PKD1: variants seen among roughly 807,000 people sequenced by gnomAD.
PKD1 encodes the protein polycystin-1.
In PKD1, 81 loss-of-function variants were observed where a neutral mutation model predicts 361.7. That is an observed-to-expected ratio of 0.22 (90% CI 0.19 to 0.27). PKD1 has a LOEUF of 0.27. Ranked by LOEUF, PKD1 falls within the 10% of genes least tolerant of loss-of-function variation. The pLI, the probability that PKD1 is intolerant of heterozygous loss-of-function variation, is 1.00. For synonymous variants in PKD1, 3,615 were observed against 2,818.3 expected, an observed-to-expected ratio of 1.28 and a Z score of -8.95; for missense variants, 6,399 against 6,118.3, an observed-to-expected ratio of 1.05 and a Z score of -1.53.
At position 2,097,744 on chromosome 16, in the gene PKD1, G is replaced by A. The variant is rs2091905322; in HGVS notation, c.10204C>T (p.Leu3402=). Residue 3402 remains leucine, a synonymous_variant, in exon 32 of 46, where the codon CTG becomes TTG. Coordinates refer to ENST00000262304, the MANE Select transcript of PKD1 (RefSeq NM_001009944.3). ...FVGQMKSDLF[L]DDSKSLVCWP... ...GGAACCCACCTCTTAGAATCATCCA[G>A]AAACAAGTCACTCTTCATCTGTCCA... 2 of 1,611,240 alleles carry A rather than the reference G, an allele frequency of 1.2e-6. No homozygotes were observed. The highest frequency in any genetic ancestry group is 2.2e-5 in the South Asian group (2 of 90,992).
In PKD1 at chr16:2,109,534, G is replaced by T; in HGVS notation, c.5633C>A (p.Thr1878Lys). 6.2e-7 allele frequency: 1 copy of T among 1,611,224 alleles called. No individual in the cohort carries two copies. Among genetic ancestry groups the T allele is most frequent in the Non-Finnish European group, 8.5e-7 (1 of 1,179,450 alleles). Residue 1878 changes from threonine (T) to lysine (K), a missense_variant, in exon 15 of 46, where the codon ACG becomes AAG. Transcript: ENST00000262304. Reference sequence around the variant, plus strand: ...GGGCTCCTCCGCCGTGAGGTTGTACGTGGCTGAGACCCAGCTGACTGCGTT... The same window carrying T: ...GGGCTCCTCCGCCGTGAGGTTGTACTTGGCTGAGACCCAGCTGACTGCGTT... Reference protein sequence around the residue: ...ASNAVSWVSATYNLTAEEPIV... With the variant: ...ASNAVSWVSAKYNLTAEEPIV...
At chr16:2,116,722 C>G in intron 7 of PKD1, 78 bp from the exon 8 acceptor site, 1 of 1,183,096 alleles carries the variant, frequency 8.5e-7, no homozygotes, top group Non-Finnish European at 1.2e-6. Context: ...ACCGAGCCGC[C>G]CGAAAACCCC....
intron 21 of PKD1, among the ~76,000 whole-genome samples, chr16:2,105,031 G>GGGGGAGGGGA (rs1231334105): frequency 1.3e-5 from 1 of 74,946 alleles, no homozygotes; most frequent in Non-Finnish European, 2.9e-5. Flanking sequence ...GGGGAGGGAA[G>GGGGGAGGGGA]GGGGAGGGGA....
rs377308512 is a variant in PKD1, at chr16:2,110,763, G to A, written c.4404C>T (p.Val1468=). The A allele has an allele frequency of 4.7e-5, 76 of 1,610,488 alleles. 1 individual carries two copies. The African/African-American group carries it at 8.0e-4, about 17-fold the overall frequency. The change falls in exon 15 of 46, where the codon GTC becomes GTT. Residue 1468 remains valine (V), a synonymous_variant. Transcript: ENST00000262304. ...ALVEVQEPVL[V]TSIKVNGSLG... is the part of the protein sequence containing the mutation. Reference sequence around the variant, plus strand: ...GGGAGCCATTGACCTTGATGCTGGTGACCAGCACGGGCTCCTGCACCTCCA... The same window carrying A: ...GGGAGCCATTGACCTTGATGCTGGTAACCAGCACGGGCTCCTGCACCTCCA...
intron 16 of PKD1, 77 bp downstream of exon 16, chr16:2,107,806 T>C: frequency 7.0e-7 from 1 of 1,426,432 alleles, no homozygotes; most frequent in East Asian, 2.5e-5. Flanking sequence ...CCACCAGCAC[T>C]AAAACACGGA....
intron 38 of PKD1, 49 bp from the exon 39 acceptor site, chr16:2,092,641 C>A: frequency 7.5e-7 from 1 of 1,334,240 alleles, no homozygotes; most frequent in African/African-American, 1.4e-5. Context: ...CCCATGCCCG[C>A]CTCGAGTGAG....
Position 2,097,363 on chromosome 16 carries a change from G to A in PKD1, c.10361C>T (p.Ser3454Phe), listed in dbSNP as rs936935168. ...HGLGPEEDGF[S>F]LASPYSPAKS... is the part of the protein sequence containing the mutation. ...GGCAGGCGAGTAGGGGCTGGCCAGG[G>A]AGAAGCCGTCCTCCTCTGGGCCCAG... is the stretch of plus-strand genomic sequence containing the variant. The change falls in exon 33 of 46, where the codon TCC (serine) becomes TTC (phenylalanine). Residue 3454 changes from serine to phenylalanine, a missense_variant. Physicochemically the swap from Ser to Phe is radical, Grantham distance 155. Transcript: ENST00000262304. The A allele has an allele frequency of 6.2e-7, 1 of 1,612,152 alleles. No individual in the cohort carries two copies. The highest frequency in any genetic ancestry group is 8.5e-7 in the Non-Finnish European group (1 of 1,179,942).
chr16:2,115,089 C>G, intron 10 of PKD1, 164 bp from the exon 11 acceptor site: 1 of 984,944 alleles, frequency 1.0e-6, no homozygotes, highest in Non-Finnish European at 1.2e-6. Context: ...CAGTTGCAGA[C>G]CGGGGGACAC....
Position 2,105,336 on chromosome 16 carries a change from G to A in PKD1, c.8002C>T (p.Leu2668=), listed in dbSNP as rs761726794. Residue 2668 remains leucine (L), a synonymous_variant, in exon 21 of 46, where the codon CTG becomes TTG. Transcript: ENST00000262304. ...VDDIQQIAAA[L]AQCMGPSREL... Reference sequence around the variant, plus strand: ...GGCCATCCTACCATGCACTGGGCCAGCGCAGCAGCGATCTGCTGGATGTCA... The same window carrying A: ...GGCCATCCTACCATGCACTGGGCCAACGCAGCAGCGATCTGCTGGATGTCA... The A allele has an allele frequency of 6.3e-7, 1 of 1,593,846 alleles. No homozygotes were observed. Among genetic ancestry groups the A allele is most frequent in the East Asian group, 2.2e-5 (1 of 44,868 alleles).
In PKD1 at chr16:2,118,582, C is replaced by T. The variant is rs866036951; in HGVS notation, c.529+94G>A. The T allele has an allele frequency of 1.8e-5, 14 of 775,888 alleles. No individual in the cohort carries two copies. Among genetic ancestry groups the T allele is most frequent in the African/African-American group, 1.2e-4 (7 of 58,694 alleles). The allele number at this position is 775,888 out of a possible 1,614,324, so 48.1% of individuals were successfully genotyped here. A position where few individuals can be genotyped will look rare whatever the true frequency, so the allele number is the denominator to read the frequency against. ...GTTCCCTTGGCCCGGAGGCCCCCCCCAGAGAGGCCTTCCTGAGCCCTGCCC... is the reference window on the plus strand; with the variant it reads ...GTTCCCTTGGCCCGGAGGCCCCCCCTAGAGAGGCCTTCCTGAGCCCTGCCC... On this transcript the variant is annotated intron_variant, in intron 4 of 45. Transcript: ENST00000262304. The surrounding 1 kb of genome is among the most constrained non-coding windows in gnomAD (Gnocchi z 6.0).
chr16:2,096,036 G>A (rs924765261), intron 34 of PKD1, among the ~76,000 whole-genome samples: 2 of 152,190 alleles, frequency 1.3e-5, no homozygotes, highest in African/African-American at 4.8e-5. Context: ...TACCTCTTTA[G>A]TTCTTGGTTG....
At position 2,109,047 on chromosome 16, in the gene PKD1, C is replaced by T. The variant is rs374309633; in HGVS notation, c.6120G>A (p.Val2040=). Residue 2040 remains valine, a synonymous_variant, in exon 15 of 46, where the codon GTG becomes GTA. Coordinates refer to ENST00000262304, the MANE Select transcript of PKD1 (RefSeq NM_001009944.3). The part of the protein sequence containing the change: ...PVAAGLLEIQ[V]RAFNALGSEN... ...CACTGCCCAGGGCGTTGAAGGCGCG[C>T]ACCTGGATCTCCAACAGCCCCGCGG... 3.7e-6 allele frequency: 6 copies of T among 1,607,694 alleles called. No homozygotes were observed. The highest frequency in any genetic ancestry group is 4.5e-5 in the East Asian group (2 of 44,736).
rs997976423 is a variant in PKD1 at position 2,090,092 on chromosome 16, C to T, written c.12547G>A (p.Asp4183Asn). ...PDVPPPSAGSDASHPSTSSSQ... is the reference protein window; with the variant it reads ...PDVPPPSAGSNASHPSTSSSQ... ...GAGGAGGTGGAGGGGTGCGAGGCAT[C>T]GGAGCCAGCGCTGGGTGGGGGCACA... is the stretch of plus-strand genomic sequence containing the variant. Residue 4183 changes from aspartate to asparagine, a missense_variant, in exon 46 of 46, where the codon GAT becomes AAT. Coordinates refer to ENST00000262304, the MANE Select transcript of PKD1 (RefSeq NM_001009944.3). 2 of 1,607,524 alleles carry T rather than the reference C, an allele frequency of 1.2e-6. No individual in the cohort carries two copies. Among genetic ancestry groups the T allele is most frequent in the Admixed American group, 1.7e-5 (1 of 59,886 alleles).
In PKD1 at chr16:2,106,932, C is replaced by A. The variant is rs752238977; in HGVS notation, c.7082G>T (p.Gly2361Val). The change falls in exon 17 of 46, where the codon GGC becomes GTC. Residue 2361 changes from glycine to valine, a missense_variant. Gly to Val is a moderately radical substitution (Grantham distance 109). Transcript: ENST00000262304. This position sits in a 1 kb window ranked among gnomAD's most constrained non-coding sequence, Gnocchi z 6.5. ...CTCCAAGGACACAATGGGCACCCGG[C>A]CACTCCGGATCAGCACCTGGCGTGG... is the stretch of plus-strand genomic sequence containing the variant. The part of the protein sequence containing the change: ...ATNQTVLIRS[G>V]RVPIVSLECV... 3.8e-6 allele frequency: 6 copies of A among 1,582,056 alleles called. No individual in the cohort carries two copies. The highest frequency in any genetic ancestry group is 2.2e-5 in the East Asian group (1 of 44,816).
chr16:2,099,352 G>A (rs1396878290), intron 30 of PKD1: 31 of 447,930 alleles, frequency 6.9e-5, no homozygotes, highest in South Asian at 4.0e-4. Context: ...TTTCGGAAGC[G>A]TGCACAGCCG....
rs775379313 is a variant in PKD1, at chr16:2,111,456, C to A, written c.3711G>T (p.Thr1237=). The A allele has an allele frequency of 6.2e-7, 1 of 1,611,810 alleles. No individual in the cohort carries two copies. The highest frequency in any genetic ancestry group is 1.3e-5 in the African/African-American group (1 of 75,020). The part of the protein sequence containing the change: ...APVVVSAAVQ[T]GDNITWTFDM... ...CGAAGGTCCACGTGATGTTGTCGCC[C>A]GTCTGCACCGCGGCGCTGACCACCA... The change falls in exon 15 of 46, where the codon ACG becomes ACT. Residue 1237 remains threonine (T), a synonymous_variant. Transcript: ENST00000262304.
chr16:2,126,004 T>TG (rs796406284), intron 1 of PKD1, among the ~76,000 whole-genome samples: 5,246 of 138,996 alleles, frequency 0.038, 105 homozygotes, highest in East Asian at 0.094. Context: ...AAGAGGATGG[T>TG]GGGGGGGGGG....
At position 2,098,028 on chromosome 16, in the gene PKD1, G is replaced by C. The variant is rs1229532659; in HGVS notation, c.10051-44C>G. On this transcript the variant is annotated intron_variant, in intron 30 of 45. Transcript: ENST00000262304. ...GGTCAGCGGGCGGCAGCTCAGACCT[G>C]CTCAGGACAGGGATGAGAAGCCACC... 3 of 1,069,082 alleles carry C rather than the reference G, an allele frequency of 2.8e-6. No individual in the cohort carries two copies. The African/African-American group carries it at 4.6e-5, about 17-fold the overall frequency. 66.2% of individuals were successfully genotyped at this position (1,069,082 alleles called of 1,614,324 possible).
Position 2,103,253 on chromosome 16 carries a change from C to G in PKD1, c.8791+13G>C, listed in dbSNP as rs150064577. On this transcript the variant is annotated intron_variant, in intron 23 of 45. Coordinates refer to ENST00000262304, the MANE Select transcript of PKD1 (RefSeq NM_001009944.3). Reference sequence around the variant, plus strand: ...GGCCAGGGGGCCGCGTGTGCCCCACCCGCTGCACGCACCGTCCAGCAGCGT... The same window carrying G: ...GGCCAGGGGGCCGCGTGTGCCCCACGCGCTGCACGCACCGTCCAGCAGCGT... 3.7e-6 allele frequency: 6 copies of G among 1,608,968 alleles called. No individual in the cohort carries two copies. The African/African-American group carries it at 8.0e-5, about 21-fold the overall frequency.
Sources: allele counts gnomAD v4.1 joint callset (sites outside exome capture counted in the v4.1 genomes callset), GRCh38; gene constraint gnomAD v4.1.1; non-coding constraint Gnocchi (gnomAD v3.1); transcripts MANE v1.5; gene names NCBI Gene and HGNC (gene_info 2026-07-23, HGNC 2026-07-21).